The following MTERF3 variants were observed in gnomAD, a reference collection of about 807,000 sequenced individuals.
MTERF3 encodes transcription termination factor 3, mitochondrial.
In MTERF3, 40 loss-of-function variants were observed where a neutral mutation model predicts 40.5. The ratio of observed to expected loss-of-function variants is 0.99; its 90% CI spans 0.77 to 1.29. The LOEUF (loss-of-function observed/expected upper bound fraction) is 1.29, where lower values mean the gene tolerates loss of function less well. Among genes scored for constraint, MTERF3 ranks in the 50% most tolerant of loss-of-function variants. MTERF3 has a pLI of 0.00. For synonymous variants in MTERF3, 158 were observed against 166.6 expected, an observed-to-expected ratio of 0.95 and a Z score of 0.40; for missense variants, 452 against 478.2, an observed-to-expected ratio of 0.95 and a Z score of 0.51.
In MTERF3 at chr8:96,246,017, G is replaced by A. The variant is rs190874314; in HGVS notation, c.826-86C>T. The A allele has an allele frequency of 3.2e-6, 4 of 1,255,882 alleles. No individual in the cohort carries two copies. The East Asian group carries it at 9.4e-5, about 30-fold the overall frequency. The allele number at this position is 1,255,882 out of a possible 1,614,324, so 77.8% of individuals were successfully genotyped here. ...AATTAAGGCATTATTAAGATACAAA[G>A]TTAAAACTTAAAATATGACCCAATC... On this transcript the variant is annotated intron_variant, in intron 5 of 7. Transcript: ENST00000287025.
intron 1 of MTERF3, among the ~76,000 whole-genome samples, chr8:96,260,912 GTACAGT>G (rs1810372254): frequency 6.6e-6 from 1 of 152,174 alleles, no homozygotes; most frequent in Admixed American, 6.5e-5. Context: ...TCAATGGCAA[GTACAGT>G]TAACTCACTT....
In MTERF3 at chr8:96,250,932, A is replaced by T; in HGVS notation, c.651T>A (p.Ser217=). ...AFLTKNHAIF[S]EDLENLKTRV... is the part of the protein sequence containing the mutation. Reference sequence around the variant, plus strand: ...TGGTCTTCAGATTTTCAAGGTCTTCAGAGAAAATTGCATGATTTTTTGTCA... The same window carrying T: ...TGGTCTTCAGATTTTCAAGGTCTTCTGAGAAAATTGCATGATTTTTTGTCA... Residue 217 remains serine (S), a synonymous_variant, in exon 4 of 8, where the codon TCT becomes TCA. Coordinates refer to ENST00000287025, the MANE Select transcript of MTERF3 (RefSeq NM_015942.5). The T allele has an allele frequency of 6.2e-7, 1 of 1,609,766 alleles. No homozygotes were observed. Among genetic ancestry groups the T allele is most frequent in the Non-Finnish European group, 8.5e-7 (1 of 1,179,022 alleles).
At chr8:96,249,588 T>G (rs1013588007) in intron 4 of MTERF3, among the ~76,000 whole-genome samples, 1 of 152,120 alleles carries the variant, frequency 6.6e-6, no homozygotes, top group Admixed American at 6.5e-5. Context: ...TTTGTTTAGT[T>G]TTTTTTCCTA....
intron 3 of MTERF3, 55 bp from the exon 4 acceptor site, chr8:96,251,150 C>T (rs911562089): frequency 3.0e-5 from 42 of 1,405,952 alleles, no homozygotes; most frequent in Non-Finnish European, 3.9e-5. Flanking sequence ...ACCCATTAAA[C>T]TCATATACAT....
intron 3 of MTERF3, among the ~76,000 whole-genome samples, chr8:96,255,542 G>C (rs900003389): frequency 1.3e-5 from 2 of 151,932 alleles, no homozygotes; most frequent in Admixed American, 1.3e-4. Context: ...GGGAGGCTGA[G>C]GCAGGAGAAT....
At chr8:96,257,378 G>A (rs1407686585) in intron 2 of MTERF3, 1 of 286,176 alleles carries the variant, frequency 3.5e-6, no homozygotes, top group African/African-American at 2.2e-5. Context: ...ATCAGTAGGT[G>A]AGAATGCTAA....
intron 4 of MTERF3, among the ~76,000 whole-genome samples, chr8:96,250,616 A>AGACGAAGACGAAGAC (rs1810133122): frequency 2.5e-4 from 1 of 4,038 alleles, no homozygotes; most frequent in South Asian, 6.9e-3. Context: ...AGGCTGAGGC[A>AGACGAAGACGAAGAC]GAAGAAGAAG....
At chr8:96,252,236 C>T (rs1007016280) in intron 3 of MTERF3, among the ~76,000 whole-genome samples, 2 of 152,020 alleles carry the variant, frequency 1.3e-5, no homozygotes, top group Non-Finnish European at 2.9e-5. Context: ...TACGCACACT[C>T]AATGAAGATG....
chr8:96,250,120 C>T (rs1257399146), intron 4 of MTERF3, among the ~76,000 whole-genome samples: 1 of 151,968 alleles, frequency 6.6e-6, no homozygotes, highest in East Asian at 1.9e-4. Flanking sequence ...GAATGAAGTA[C>T]AGAGATGTTT....
chr8:96,248,086 AT>A (rs1159589654), intron 4 of MTERF3, among the ~76,000 whole-genome samples: 6 of 152,276 alleles, frequency 3.9e-5, no homozygotes, highest in African/African-American at 1.4e-4. Context: ...ATCTGTAAGG[AT>A]AACAGGGAAG....
At chr8:96,258,788 C>G (rs1810329643) in intron 1 of MTERF3, 88 bp from the exon 2 acceptor site, 2 of 1,012,634 alleles carry the variant, frequency 2.0e-6, no homozygotes, top group Non-Finnish European at 2.8e-6. Flanking sequence ...AAAAGATAAA[C>G]TGGAAATTAT....
intron 2 of MTERF3, 136 bp from the exon 3 acceptor site, chr8:96,257,250 T>G: frequency 1.2e-6 from 1 of 868,752 alleles, no homozygotes. Flanking sequence ...TCCAAGTCCC[T>G]AATTTTTCAC....
At position 96,243,922 on chromosome 8, in the gene MTERF3, T is replaced by C. The variant is rs374979191; in HGVS notation, c.1056A>G (p.Pro352=). The change falls in exon 7 of 8, where the codon CCA becomes CCG. Residue 352 remains proline, a synonymous_variant. Coordinates refer to ENST00000287025, the MANE Select transcript of MTERF3 (RefSeq NM_015942.5). ...AGAGAGCTGTGAGTGGCATTACCTG[T>C]GGGAACTTGACAATGATGTGGTGGG... ...SIPHHIIVKF[P]QVFNTRLFKV... 1.9e-5 allele frequency: 31 copies of C among 1,613,480 alleles called. No individual in the cohort carries two copies. The African/African-American group carries it at 4.1e-4, about 22-fold the overall frequency.
chr8:96,245,792 T>G, intron 6 of MTERF3, 68 bp downstream of exon 6: 1 of 1,386,806 alleles, frequency 7.2e-7, no homozygotes, highest in Non-Finnish European at 1.0e-6. Context: ...AATAGCAAAA[T>G]CTGTTCTCTT....
chr8:96,251,151 T>G, intron 3 of MTERF3, 56 bp from the exon 4 acceptor site: 1 of 1,394,218 alleles, frequency 7.2e-7, no homozygotes, highest in Middle Eastern at 1.9e-4. Flanking sequence ...CCCATTAAAC[T>G]CATATACATA....
chr8:96,256,884 T>C lies in MTERF3; in HGVS notation c.487+78A>G, dbSNP rs1810288117. 14 of 1,363,782 alleles carry C rather than the reference T, an allele frequency of 1.0e-5. No homozygotes were observed. In the South Asian group the frequency reaches 2.1e-4, roughly 20 times the overall value. The allele number at this position is 1,363,782 out of a possible 1,614,324, so 84.5% of individuals were successfully genotyped here. ...ATGTTTGTATACTACTTAGTATAGA[T>C]TAAATTGTTAATTTAAAAAAGTAAA... On this transcript the variant is annotated intron_variant, in intron 3 of 7. Coordinates refer to ENST00000287025, the MANE Select transcript of MTERF3 (RefSeq NM_015942.5).
rs1010799619 is a variant in MTERF3 at position 96,243,986 on chromosome 8, G to C, written c.992C>G (p.Thr331Ser). ...KMLTANKMKLTETFDFVHNVM... is the reference protein window; with the variant it reads ...KMLTANKMKLSETFDFVHNVM... ...ATTGTGCACAAAATCAAACGTCTCG[G>C]TAAGTTTCATTTTATTTGCAGTTAA... Residue 331 changes from threonine to serine, a missense_variant, in exon 7 of 8, where the codon ACC becomes AGC. Physicochemically the swap from Thr to Ser is moderately conservative, Grantham distance 58. Coordinates refer to ENST00000287025, the MANE Select transcript of MTERF3 (RefSeq NM_015942.5). 5 of 1,614,006 alleles carry C rather than the reference G, an allele frequency of 3.1e-6. No individual in the cohort carries two copies. In the African/African-American group the frequency reaches 6.7e-5, roughly 22 times the overall value.
At chr8:96,252,237 A>G (rs1810199345) in intron 3 of MTERF3, among the ~76,000 whole-genome samples, 1 of 152,268 alleles carries the variant, frequency 6.6e-6, no homozygotes, top group Non-Finnish European at 1.5e-5. Context: ...ACGCACACTC[A>G]ATGAAGATGA....
rs755456348 is a variant in MTERF3 at position 96,239,703 on chromosome 8, GTTTT to G, written c.1060-22_1060-19del. On this transcript the variant is annotated intron_variant, in intron 7 of 7. Transcript: ENST00000287025. ...TTAAATACCTAGAAAAGAAAAAAAA[GTTTT>G]TAAAAAACACTGCACACGGGAGGAT... is the stretch of plus-strand genomic sequence containing the variant. 27 of 1,556,452 alleles carry G rather than the reference GTTTT, an allele frequency of 1.7e-5. No homozygotes were observed. Among genetic ancestry groups the G allele is most frequent in the Non-Finnish European group, 2.2e-5 (26 of 1,157,840 alleles).
Sources: allele counts gnomAD v4.1 joint callset (sites outside exome capture counted in the v4.1 genomes callset), GRCh38; gene constraint gnomAD v4.1.1; transcripts MANE v1.5; gene names NCBI Gene and HGNC (gene_info 2026-07-23, HGNC 2026-07-21).